Variants in ADAM2 observed in about 807,000 individuals in gnomAD.
ADAM2 encodes the protein disintegrin and metalloproteinase domain-containing protein 2.
A neutral mutation model predicts 99.3 loss-of-function variants in ADAM2; 101 were observed. The ratio of observed to expected loss-of-function variants is 1.02; its 90% CI spans 0.87 to 1.20. The LOEUF (loss-of-function observed/expected upper bound fraction) is 1.20. ADAM2 is among the 50% of genes most tolerant of loss of function. ADAM2 has a pLI of 0.00. For missense variants in ADAM2, 948 were observed against 878.7 expected (o/e 1.08, Z -1.00); for synonymous variants, 323 against 287.6 (o/e 1.12, Z -1.25).
chr8:39,802,483 T>C (rs972419645), intron 7 of ADAM2, among the ~76,000 whole-genome samples: 24 of 152,306 alleles, frequency 1.6e-4, no homozygotes, highest in African/African-American at 5.5e-4. Flanking sequence ...GAGGTTTTGT[T>C]ACCCACCTAT....
intron 7 of ADAM2, among the ~76,000 whole-genome samples, chr8:39,801,013 T>C (rs1371220287): frequency 6.6e-6 from 1 of 152,106 alleles, no homozygotes; most frequent in Non-Finnish European, 1.5e-5. Flanking sequence ...CCATCTTCTG[T>C]CAATTACTCC....
chr8:39,755,884 A>G lies in ADAM2; in HGVS notation c.1641T>C (p.Cys547=), dbSNP rs1298170489. Reference sequence around the variant, plus strand: ...GTAATAAAAATTTACCTACATATTTACATATTAATTTTCCGCACTGCAGAT... The same window carrying G: ...GTAATAAAAATTTACCTACATATTTGCATATTAATTTTCCGCACTGCAGAT... ...ADNLQCGKLI[C]KYVGKFLLQI... is the part of the protein sequence containing the mutation. Residue 547 remains cysteine, a synonymous_variant, in exon 16 of 21, where the codon TGT becomes TGC. Transcript: ENST00000265708. The G allele has an allele frequency of 1.9e-6, 3 of 1,568,868 alleles. No homozygotes were observed. Among genetic ancestry groups the G allele is most frequent in the Non-Finnish European group, 1.7e-6 (2 of 1,143,356 alleles).
At chr8:39,831,500 T>G (rs1056152367) in intron 3 of ADAM2, among the ~76,000 whole-genome samples, 7 of 152,180 alleles carry the variant, frequency 4.6e-5, no homozygotes, top group Admixed American at 1.3e-4. Context: ...AGTCCAAAGC[T>G]TGAAAATTGG....
At chr8:39,830,853 C>A (rs948825705) in intron 3 of ADAM2, among the ~76,000 whole-genome samples, 11 of 152,056 alleles carry the variant, frequency 7.2e-5, no homozygotes, top group African/African-American at 2.7e-4. Flanking sequence ...ATCTAATCAC[C>A]AATGTGATGG....
At position 39,760,418 on chromosome 8, in the gene ADAM2, A is replaced by G. The variant is rs546784752; in HGVS notation, c.1613+758T>C. 1.1e-4 allele frequency among the ~76,000 whole-genome samples: 16 copies of G among 152,318 alleles called. No individual in the cohort carries two copies. The South Asian group carries it at 3.3e-3, about 32-fold the overall frequency. On this transcript the variant is annotated intron_variant, in intron 15 of 20. Coordinates refer to ENST00000265708, the MANE Select transcript of ADAM2 (RefSeq NM_001464.5). ...ATCAAAATGTCTGGCTGTAGAGCAC[A>G]TGTTCTTAAATACCACGCTTTGGCC...
intron 2 of ADAM2, among the ~76,000 whole-genome samples, chr8:39,835,218 A>G (rs1805772630): frequency 6.6e-6 from 1 of 152,116 alleles, no homozygotes; most frequent in South Asian, 2.1e-4. Flanking sequence ...CCCCTATTTC[A>G]GGAATGCCAA....
chr8:39,775,676 T>C (rs1170386340), intron 11 of ADAM2, among the ~76,000 whole-genome samples: 1 of 152,106 alleles, frequency 6.6e-6, no homozygotes, highest in Admixed American at 6.6e-5. Context: ...CCTACAAGGA[T>C]ATTAGTGTAT....
At chr8:39,831,256 A>T (rs369253608) in intron 3 of ADAM2, among the ~76,000 whole-genome samples, 1 of 78,912 alleles carries the variant, frequency 1.3e-5, no homozygotes, top group African/African-American at 4.7e-5. Flanking sequence ...AAAACTCTAA[A>T]CTATATCTCA....
intron 15 of ADAM2, 90 bp downstream of exon 15, chr8:39,761,086 T>C (rs1563339978): frequency 4.5e-6 from 3 of 661,536 alleles, no homozygotes; most frequent in Non-Finnish European, 7.3e-6. Context: ...GTTCAGGGGA[T>C]ATTTTGCTTA....
chr8:39,750,639 T>C (rs1008258372), intron 16 of ADAM2, among the ~76,000 whole-genome samples: 12 of 152,084 alleles, frequency 7.9e-5, no homozygotes, highest in African/African-American at 2.7e-4. Context: ...TAGAAACCAG[T>C]AGATGTATTT....
In ADAM2 at chr8:39,769,506, C is replaced by T; in HGVS notation, c.1098G>A (p.Gln366=). Residue 366 remains glutamine (Q), a synonymous_variant, in exon 12 of 21, where the codon CAG becomes CAA. Coordinates refer to ENST00000265708, the MANE Select transcript of ADAM2 (RefSeq NM_001464.5). ...GCTGATTGTGAAGACACTGGGACTT[C>T]TGCTTTGAAATAAAATGTGCAAAGT... ...FEDFAHFISK[Q]KSQCLHNQPR... 1 of 1,613,794 alleles carries T rather than the reference C, an allele frequency of 6.2e-7. No homozygotes were observed.
intron 3 of ADAM2, among the ~76,000 whole-genome samples, chr8:39,829,591 A>G (rs989775939): frequency 5.3e-5 from 8 of 151,974 alleles, no homozygotes; most frequent in Non-Finnish European, 5.9e-5. Flanking sequence ...GTAAATTAGT[A>G]TACTACTTTG....
intron 10 of ADAM2, among the ~76,000 whole-genome samples, chr8:39,786,768 A>T (rs1803482575): frequency 6.6e-6 from 1 of 152,142 alleles, no homozygotes; most frequent in South Asian, 2.1e-4. Context: ...TAGAAAGGAT[A>T]TCTTGAACTC....
At chr8:39,789,465 A>C (rs1331964650) in intron 7 of ADAM2, among the ~76,000 whole-genome samples, 1 of 151,820 alleles carries the variant, frequency 6.6e-6, no homozygotes, top group African/African-American at 2.4e-5. Context: ...AAGCACAGAA[A>C]AATGAAAATT....
In ADAM2 at chr8:39,769,435, G is replaced by A; in HGVS notation, c.1169C>T (p.Ala390Val). The A allele has an allele frequency of 6.2e-7, 1 of 1,613,980 alleles. No homozygotes were observed. Among genetic ancestry groups the A allele is most frequent in the Non-Finnish European group, 8.5e-7 (1 of 1,179,932 alleles). ...ACACTCCTCTCCTGCTTCCAGCTTTGCATTACCACACACTGCTTGCTGTTT... is the reference window on the plus strand; with the variant it reads ...ACACTCCTCTCCTGCTTCCAGCTTTACATTACCACACACTGCTTGCTGTTT... Reference protein sequence around the residue: ...FFKQQAVCGNAKLEAGEECDC... With the variant: ...FFKQQAVCGNVKLEAGEECDC... Residue 390 changes from alanine (A) to valine (V), a missense_variant, in exon 12 of 21, where the codon GCA becomes GTA. Transcript: ENST00000265708.
intron 7 of ADAM2, among the ~76,000 whole-genome samples, chr8:39,797,316 C>T (rs1353942521): frequency 1.3e-5 from 2 of 152,148 alleles, no homozygotes; most frequent in Non-Finnish European, 2.9e-5. Flanking sequence ...ATCCTTTCCT[C>T]ATTGCTTGTT....
intron 6 of ADAM2, among the ~76,000 whole-genome samples, chr8:39,810,697 C>T (rs1413568647): frequency 4.6e-5 from 7 of 152,060 alleles, no homozygotes; most frequent in South Asian, 4.1e-4. Context: ...GGGTACATAA[C>T]GAAATGAAGG....
At chr8:39,771,559 T>C (rs1301895017) in intron 11 of ADAM2, among the ~76,000 whole-genome samples, 1 of 152,184 alleles carries the variant, frequency 6.6e-6, no homozygotes, top group African/African-American at 2.4e-5. Context: ...TTAATAGGAA[T>C]GTGATGAGTT....
At chr8:39,745,027 C>T in intron 19 of ADAM2, 134 bp from the exon 20 acceptor site, 1 of 627,538 alleles carries the variant, frequency 1.6e-6, no homozygotes, top group Non-Finnish European at 2.7e-6. Context: ...TGAGAATACC[C>T]TATCACTGAG....
Sources: allele counts gnomAD v4.1 joint callset (sites outside exome capture counted in the v4.1 genomes callset), GRCh38; gene constraint gnomAD v4.1.1; transcripts MANE v1.5; gene names NCBI Gene and HGNC (gene_info 2026-07-23, HGNC 2026-07-21).